Variants in CDH22 observed in about 807,000 individuals in gnomAD.
The protein encoded by CDH22 is cadherin 22.
Under a neutral mutation model 58.4 loss-of-function variants are expected in CDH22, and 30 were observed. The ratio of observed to expected loss-of-function variants is 0.51; its 90% CI spans 0.38 to 0.70. CDH22 has a LOEUF of 0.70. Ranked by LOEUF, CDH22 falls within the 30% of genes least tolerant of loss-of-function variation. The pLI is 0.00. For missense variants in CDH22, 1,014 were observed against 1,233.9 expected, an observed-to-expected ratio of 0.82 and a Z score of 2.67; for synonymous variants, 513 against 558.2, an observed-to-expected ratio of 0.92 and a Z score of 1.14.
At position 46,210,522 on chromosome 20, in the gene CDH22, G is replaced by A; in HGVS notation, c.1071C>T (p.Ile357=). 7.0e-7 allele frequency: 1 copy of A among 1,436,086 alleles called. No individual in the cohort carries two copies. The highest frequency in any genetic ancestry group is 9.2e-7 in the Non-Finnish European group (1 of 1,092,720). The allele number at this position is 1,436,086 out of a possible 1,614,324, so 89.0% of individuals were successfully genotyped here. Residue 357 remains isoleucine (I), a synonymous_variant, in exon 7 of 12, where the codon ATC becomes ATT. Transcript: ENST00000537909. This position sits in a 1 kb window ranked among gnomAD's most constrained non-coding sequence, Gnocchi z 4.5. ...CCACGAACTTGTTGAGGGCCTCCAG[G>A]ATCACGGTGTGCACGGGCTGGGATT... ...DFESQPVHTV[I]LEALNKFVDP...
At chr20:46,239,750 A>T (rs1274736942) in intron 3 of CDH22, among the ~76,000 whole-genome samples, 2 of 152,190 alleles carry the variant, frequency 1.3e-5, no homozygotes, top group Non-Finnish European at 2.9e-5. Flanking sequence ...TAGGAAGGAG[A>T]TGGCAGCTAT....
At chr20:46,217,169 A>G (rs1331402515) in intron 4 of CDH22, among the ~76,000 whole-genome samples, 176 bp from the exon 5 acceptor site, 1 of 152,028 alleles carries the variant, frequency 6.6e-6, no homozygotes, top group East Asian at 1.9e-4. Context: ...CTCAGTGTAC[A>G]CCACACACAC....
intron 2 of CDH22, among the ~76,000 whole-genome samples, chr20:46,243,159 G>T (rs1035398907): frequency 3.3e-5 from 5 of 152,164 alleles, no homozygotes; most frequent in Non-Finnish European, 7.3e-5. Context: ...CACTAGGCAG[G>T]AGAACAGGTG....
chr20:46,217,014 G>A, intron 4 of CDH22, 21 bp from the exon 5 acceptor site: 1 of 1,575,644 alleles, frequency 6.3e-7, no homozygotes, highest in Non-Finnish European at 8.7e-7. Context: ...GTGAGGGTGA[G>A]GCCAGGGCAC....
intron 1 of CDH22, among the ~76,000 whole-genome samples, chr20:46,282,540 T>C (rs2086555593): frequency 6.6e-6 from 1 of 152,154 alleles, no homozygotes; most frequent in African/African-American, 2.4e-5. Flanking sequence ...AAATAAATAT[T>C]CGTAAAAGAG....
At chr20:46,227,460 CCTGGCCCCGCCCCACGGCTCCGCCT>C (rs2086184287) in intron 4 of CDH22, 23 bp downstream of exon 4, 4 of 1,318,760 alleles carry the variant, frequency 3.0e-6, no homozygotes, top group Non-Finnish European at 4.2e-6. Flanking sequence ...CCGCCCCGCC[CCTGGCCCCGCCCCACGGCTCCGCCT>C]CTGGCCCCGC....
intron 10 of CDH22, among the ~76,000 whole-genome samples, chr20:46,178,554 C>T (rs76332365): frequency 0.029 from 4,416 of 150,188 alleles, 212 homozygotes; most frequent in African/African-American, 0.1. Flanking sequence ...ATTCCGTCCC[C>T]AGCTAGGCCA....
chr20:46,174,913 A>G lies in CDH22; in HGVS notation c.2080T>C (p.Phe694Leu). The stretch of plus-strand genomic sequence containing the variant: ...CCGTCGCCGCCCTTGAGCTCGCCGA[A>G]GTCGTAGAGGCTCCGCAGCGCCGAC... The part of the protein sequence containing the change: ...DMSALRSLYD[F>L]GELKGGDGGG... Residue 694 changes from phenylalanine (F) to leucine (L), a missense_variant, in exon 12 of 12, where the codon TTC becomes CTC. Phe to Leu is a conservative substitution (Grantham distance 22, BLOSUM62 0). Coordinates refer to ENST00000537909, the MANE Select transcript of CDH22 (RefSeq NM_021248.3). This position sits in a 1 kb window ranked among gnomAD's most constrained non-coding sequence, Gnocchi z 4.4. 1 of 1,503,306 alleles carries G rather than the reference A, an allele frequency of 6.7e-7. No individual in the cohort carries two copies. The highest frequency in any genetic ancestry group is 8.9e-7 in the Non-Finnish European group (1 of 1,129,160). 93.1% of individuals were successfully genotyped at this position (1,503,306 alleles called of 1,614,324 possible). A position where few individuals can be genotyped will look rare whatever the true frequency, so the allele number is the denominator to read the frequency against.
chr20:46,293,178 C>T (rs1442161526), intron 1 of CDH22, among the ~76,000 whole-genome samples: 1 of 152,170 alleles, frequency 6.6e-6, no homozygotes, highest in African/African-American at 2.4e-5. Flanking sequence ...GTCATCTGGT[C>T]TGAAGACTGC....
At chr20:46,219,161 C>G (rs564740209) in intron 4 of CDH22, among the ~76,000 whole-genome samples, 39 of 152,254 alleles carry the variant, frequency 2.6e-4, no homozygotes, top group Non-Finnish European at 4.9e-4. Context: ...GGATCACATG[C>G]AGATATGGAA....
chr20:46,244,532 CAT>C (rs1237075032), intron 2 of CDH22, among the ~76,000 whole-genome samples: 2 of 152,238 alleles, frequency 1.3e-5, no homozygotes, highest in Non-Finnish European at 2.9e-5. Flanking sequence ...ATGTGTCAGA[CAT>C]GTGTTGCAGG....
At chr20:46,182,625 C>T (rs906487778) in intron 10 of CDH22, among the ~76,000 whole-genome samples, 5 of 152,190 alleles carry the variant, frequency 3.3e-5, no homozygotes, top group Non-Finnish European at 5.9e-5. Context: ...AGCTGCCCTC[C>T]TGGGCAGCAG....
chr20:46,289,710 T>C (rs150384662), intron 1 of CDH22, among the ~76,000 whole-genome samples: 134 of 152,322 alleles, frequency 8.8e-4, no homozygotes, highest in Middle Eastern at 3.4e-3. Context: ...GGAGGGATTA[T>C]GGCTAGACAG....
In CDH22 at chr20:46,228,708, C is replaced by T. The variant is rs1407577462; in HGVS notation, c.551-1081G>A. Among the ~76,000 whole-genome samples the T allele has an allele frequency of 3.3e-5, 5 of 152,064 alleles. No individual in the cohort carries two copies. The South Asian group carries it at 1.0e-3, about 31-fold the overall frequency. On this transcript the variant is annotated intron_variant, in intron 3 of 11. Coordinates refer to ENST00000537909, the MANE Select transcript of CDH22 (RefSeq NM_021248.3). Reference sequence around the variant, plus strand: ...GACCCAAAGGGAAGGAGATGGAGACCCCACCTCAGAGAGATGCCCTCTGCT... The same window carrying T: ...GACCCAAAGGGAAGGAGATGGAGACTCCACCTCAGAGAGATGCCCTCTGCT...
intron 7 of CDH22, chr20:46,209,733 G>A (rs1173225300): frequency 6.6e-6 from 1 of 152,324 alleles, no homozygotes; most frequent in Non-Finnish European, 1.5e-5. Flanking sequence ...GAGAATGAGA[G>A]GAGGCAAGGA....
chr20:46,261,185 T>G (rs2086431521), intron 1 of CDH22, among the ~76,000 whole-genome samples: 1 of 152,162 alleles, frequency 6.6e-6, no homozygotes, highest in South Asian at 2.1e-4. Flanking sequence ...CAACATAAGG[T>G]GTAAATGAGA....
intron 10 of CDH22, among the ~76,000 whole-genome samples, chr20:46,186,294 G>A (rs570231949): frequency 2.6e-5 from 4 of 151,832 alleles, no homozygotes; most frequent in East Asian, 3.9e-4. Flanking sequence ...CACTCAGAAC[G>A]GGGGCTCTTT....
At chr20:46,236,681 C>CTATA (rs1210721247) in intron 3 of CDH22, among the ~76,000 whole-genome samples, 217 of 130,922 alleles carry the variant, frequency 1.7e-3, no homozygotes, top group East Asian at 0.013. Context: ...ATCTATCTAT[C>CTATA]TATATATACA....
At chr20:46,240,120 G>A (rs1044572787) in intron 3 of CDH22, among the ~76,000 whole-genome samples, 2 of 152,026 alleles carry the variant, frequency 1.3e-5, no homozygotes, top group Non-Finnish European at 2.9e-5. Context: ...GCTGGATCTC[G>A]GTGAGCTGTG....
Sources: allele counts gnomAD v4.1 joint callset (sites outside exome capture counted in the v4.1 genomes callset), GRCh38; gene constraint gnomAD v4.1.1; non-coding constraint Gnocchi (gnomAD v3.1); transcripts MANE v1.5; gene names NCBI Gene and HGNC (gene_info 2026-07-23, HGNC 2026-07-21).